SCAI: variants seen among roughly 807,000 people sequenced by gnomAD.
SCAI encodes suppressor of cancer cell invasion.
A neutral mutation model predicts 92.2 loss-of-function variants in SCAI; 24 were observed. The ratio of observed to expected loss-of-function variants is 0.26; its 90% CI spans 0.19 to 0.37. The LOEUF (loss-of-function observed/expected upper bound fraction) is 0.37, where lower values mean the gene tolerates loss of function less well. SCAI is among the 10% of genes least tolerant of loss of function. The pLI is 1.00. For synonymous variants in SCAI, 261 were observed against 258.6 expected (o/e 1.01, Z -0.09); for missense variants, 450 against 736.2 (o/e 0.61, Z 4.50).
chr9:125,038,223 G>A (rs1057477345), intron 3 of SCAI, among the ~76,000 whole-genome samples: 5 of 152,110 alleles, frequency 3.3e-5, no homozygotes, highest in Non-Finnish European at 4.4e-5. Context: ...CGCCACTGCA[G>A]TCCAACAAGA....
chr9:125,038,386 T>C (rs1450164429), intron 3 of SCAI, among the ~76,000 whole-genome samples: 2 of 152,222 alleles, frequency 1.3e-5, no homozygotes, highest in South Asian at 2.1e-4. Flanking sequence ...CTGGGTGCAG[T>C]GTACATCGGT....
chr9:125,012,217 A>G (rs1418418012), intron 9 of SCAI, among the ~76,000 whole-genome samples: 3 of 152,248 alleles, frequency 2.0e-5, no homozygotes, highest in Non-Finnish European at 4.4e-5. Flanking sequence ...AAATGCTCCA[A>G]TTAAAAGACA....
intron 3 of SCAI, among the ~76,000 whole-genome samples, chr9:125,044,598 C>T (rs1564391165): frequency 6.6e-6 from 1 of 152,170 alleles, no homozygotes; most frequent in Non-Finnish European, 1.5e-5. Flanking sequence ...CTCCAGTTGT[C>T]CACATACCTC....
intron 2 of SCAI, among the ~76,000 whole-genome samples, chr9:125,089,401 C>T (rs534793823): frequency 1.0e-3 from 156 of 152,272 alleles, no homozygotes; most frequent in Non-Finnish European, 1.7e-3. Context: ...AAATGTACTA[C>T]TTAACCTGTG....
intron 14 of SCAI, among the ~76,000 whole-genome samples, chr9:124,983,591 A>C (rs2131604313): frequency 6.6e-6 from 1 of 152,302 alleles, no homozygotes; most frequent in South Asian, 2.1e-4. Flanking sequence ...GACCTCAGGC[A>C]ATCCACCCGC....
Position 124,952,970 on chromosome 9 carries a change from A to T in SCAI, c.1675-17T>A. 1 of 1,611,842 alleles carries T rather than the reference A, an allele frequency of 6.2e-7. No homozygotes were observed. The highest frequency in any genetic ancestry group is 8.5e-7 in the Non-Finnish European group (1 of 1,178,854). On this transcript the variant is annotated splice_polypyrimidine_tract_variant and intron_variant, in intron 17 of 17. Transcript: ENST00000336505. Reference sequence around the variant, plus strand: ...TCGTGTTTCCTGGTAGGCAAAGAAGAGAAAAGTCAAGTTTTGTAGTCTAAT... The same window carrying T: ...TCGTGTTTCCTGGTAGGCAAAGAAGTGAAAAGTCAAGTTTTGTAGTCTAAT...
At chr9:125,009,887 T>C (rs1294273980) in intron 9 of SCAI, among the ~76,000 whole-genome samples, 1 of 151,600 alleles carries the variant, frequency 6.6e-6, no homozygotes, top group Non-Finnish European at 1.5e-5. Context: ...AGTGAGACTC[T>C]GTCTCAAAAA....
Position 125,135,362 on chromosome 9 carries a change from T to G in SCAI, c.98+7271A>C, listed in dbSNP as rs367948997. On this transcript the variant is annotated intron_variant, in intron 2 of 17. Transcript: ENST00000336505. ...CATCAATATCCTAAAATAAAAATCA[T>G]AATTTTAGGCCAGGCACGATGGCTC... is the stretch of plus-strand genomic sequence containing the variant. 1.5e-4 allele frequency among the ~76,000 whole-genome samples: 23 copies of G among 152,276 alleles called. No individual in the cohort carries two copies. The East Asian group carries it at 3.5e-3, about 23-fold the overall frequency.
chr9:124,999,332 A>G (rs1236093480), intron 13 of SCAI, among the ~76,000 whole-genome samples: 3 of 151,856 alleles, frequency 2.0e-5, no homozygotes, highest in Non-Finnish European at 4.4e-5. Flanking sequence ...GGTTGCAGTG[A>G]GCCGAGATCA....
chr9:125,106,071 T>G (rs1309572817), intron 2 of SCAI, among the ~76,000 whole-genome samples: 2 of 109,624 alleles, frequency 1.8e-5, no homozygotes, highest in African/African-American at 7.4e-5. Context: ...CACTCCAACC[T>G]GCGTGACAGA....
intron 2 of SCAI, among the ~76,000 whole-genome samples, chr9:125,076,444 A>C (rs1363223234): frequency 2.0e-5 from 3 of 152,144 alleles, no homozygotes; most frequent in Non-Finnish European, 2.9e-5. Context: ...GGTTGTAGTG[A>C]GCCAAGATTG....
rs1229053598 is a variant in SCAI, at chr9:125,003,110, A to G, written c.1065+4T>C. Reference sequence around the variant, plus strand: ...CATAGTAAAAAGTACTGGATCACACATACCTTAAAAGACGCTGCTAAGAAG... The same window carrying G: ...CATAGTAAAAAGTACTGGATCACACGTACCTTAAAAGACGCTGCTAAGAAG... On this transcript the variant is annotated splice_donor_region_variant and intron_variant, in intron 11 of 17. Transcript: ENST00000336505. 2.5e-6 allele frequency: 4 copies of G among 1,597,440 alleles called. No homozygotes were observed. The highest frequency in any genetic ancestry group is 3.4e-6 in the Non-Finnish European group (4 of 1,164,764).
chr9:125,008,078 C>G (rs1000438697), intron 9 of SCAI, among the ~76,000 whole-genome samples: 6 of 145,714 alleles, frequency 4.1e-5, no homozygotes, highest in African/African-American at 1.2e-4. Context: ...ATCTCCCGAC[C>G]TTGTGATCCG....
chr9:124,959,685 TC>T (rs1039414076), intron 17 of SCAI, among the ~76,000 whole-genome samples: 4 of 67,274 alleles, frequency 5.9e-5, no homozygotes, highest in Admixed American at 1.9e-4. Flanking sequence ...CCCTCCCCCA[TC>T]CCCCCCACCC....
chr9:125,141,077 C>T (rs563812413), intron 2 of SCAI, among the ~76,000 whole-genome samples: 23 of 152,200 alleles, frequency 1.5e-4, no homozygotes, highest in African/African-American at 5.3e-4. Context: ...AATACAGACT[C>T]ACATACCCAA....
chr9:125,143,423 G>A lies in SCAI; in HGVS notation c.15C>T (p.Ala5=). The A allele has an allele frequency of 7.1e-7, 1 of 1,400,028 alleles. No homozygotes were observed. The highest frequency in any genetic ancestry group is 1.5e-5 in the South Asian group (1 of 65,888). 86.7% of individuals were successfully genotyped at this position (1,400,028 alleles called of 1,614,324 possible). ...GACTCCGCGGCTGCTGGGGCTGCCGGGCTCCTCTGACCATCCGGCTCCTGC... is the reference window on the plus strand; with the variant it reads ...GACTCCGCGGCTGCTGGGGCTGCCGAGCTCCTCTGACCATCCGGCTCCTGC... MVRG[A]RQPQQPRSRL... is the part of the protein sequence containing the mutation. The change falls in exon 1 of 18, where the codon GCC becomes GCT. Residue 5 remains alanine, a synonymous_variant. Transcript: ENST00000336505.
chr9:125,059,832 C>G (rs1833738604), intron 2 of SCAI, among the ~76,000 whole-genome samples: 1 of 152,186 alleles, frequency 6.6e-6, no homozygotes, highest in African/African-American at 2.4e-5. Flanking sequence ...ACACACGTAC[C>G]TATTCTCCGA....
At chr9:124,977,194 A>T (rs986966593) in intron 14 of SCAI, among the ~76,000 whole-genome samples, 1 of 152,180 alleles carries the variant, frequency 6.6e-6, no homozygotes, top group South Asian at 2.1e-4. Context: ...CTTAGAGATA[A>T]AACAATTCTA....
At chr9:125,096,856 G>A in intron 2 of SCAI, among the ~76,000 whole-genome samples, 1 of 152,138 alleles carries the variant, frequency 6.6e-6, no homozygotes, top group East Asian at 1.9e-4. Context: ...TATAAACTAT[G>A]CAACTGGCCT....
Sources: gnomAD v4.1 joint callset for allele counts (sites outside exome capture counted in the v4.1 genomes callset) on GRCh38, gnomAD v4.1.1 for gene constraint, MANE v1.5 for transcripts, NCBI Gene and HGNC (gene_info 2026-07-23, HGNC 2026-07-21) for gene names.